The following SSH1 variants were observed in gnomAD, a reference collection of about 807,000 sequenced individuals.
SSH1 encodes protein phosphatase Slingshot homolog 1.
SSH1 carries 43 observed loss-of-function variants against 79.7 expected under a neutral mutation model. The ratio of observed to expected loss-of-function variants is 0.54; its 90% CI spans 0.42 to 0.70. The LOEUF (loss-of-function observed/expected upper bound fraction) is 0.70. Among genes scored for constraint, SSH1 ranks in the 30% least tolerant of loss-of-function variants. The pLI, the probability that SSH1 is intolerant of heterozygous loss-of-function variation, is 0.00. For synonymous variants in SSH1, 599 were observed against 538.3 expected, an observed-to-expected ratio of 1.11 and a Z score of -1.56; for missense variants, 1,206 against 1,358.8, an observed-to-expected ratio of 0.89 and a Z score of 1.77.
chr12:108,807,257 G>A lies in SSH1; in HGVS notation c.731+376C>T, dbSNP rs1212817420. ...TTCCTAACTCTCCTCAGAGCAGAGC[G>A]GGAGGCTCTGAGAATTAAGTCTCTG... is the stretch of plus-strand genomic sequence containing the variant. On this transcript the variant is annotated intron_variant, in intron 8 of 14. Transcript: ENST00000326495. This position sits in a 1 kb window ranked among gnomAD's most constrained non-coding sequence, Gnocchi z 5.2. 2.0e-5 allele frequency among the ~76,000 whole-genome samples: 3 copies of A among 152,100 alleles called. No homozygotes were observed. The highest frequency in any genetic ancestry group is 6.6e-5 in the Admixed American group (1 of 15,258).
rs1026533309 is a variant in SSH1 at position 108,807,543 on chromosome 12, A to G, written c.731+90T>C. Reference sequence around the variant, plus strand: ...GGGACTCCAGGGGAGGTGTGGCCCAATGCAGGTTCAGGGTCGGGCACAGGG... The same window carrying G: ...GGGACTCCAGGGGAGGTGTGGCCCAGTGCAGGTTCAGGGTCGGGCACAGGG... On this transcript the variant is annotated intron_variant, in intron 8 of 14. Coordinates refer to ENST00000326495, the MANE Select transcript of SSH1 (RefSeq NM_018984.4). The surrounding 1 kb of genome is among the most constrained non-coding windows in gnomAD (Gnocchi z 5.2). The G allele has an allele frequency of 5.4e-6, 7 of 1,294,572 alleles. No individual in the cohort carries two copies. The African/African-American group carries it at 5.8e-5, about 11-fold the overall frequency. The allele number at this position is 1,294,572 out of a possible 1,614,324, so 80.2% of individuals were successfully genotyped here. A position where few individuals can be genotyped will look rare whatever the true frequency, so the allele number is the denominator to read the frequency against.
intron 13 of SSH1, among the ~76,000 whole-genome samples, chr12:108,797,633 C>A (rs575883197): frequency 6.6e-6 from 1 of 152,150 alleles, no homozygotes; most frequent in Non-Finnish European, 1.5e-5. Context: ...GCCTGGATGT[C>A]GGAGAGAGTG....
intron 10 of SSH1, 80 bp downstream of exon 10, chr12:108,804,976 G>T: frequency 1.3e-6 from 2 of 1,562,940 alleles, no homozygotes; most frequent in Admixed American, 1.8e-5. Context: ...TTTTTCTCCC[G>T]GACTTGCTAC....
At chr12:108,855,373 G>A (rs1037609731) in intron 1 of SSH1, among the ~76,000 whole-genome samples, 2 of 152,120 alleles carry the variant, frequency 1.3e-5, no homozygotes, top group African/African-American at 4.8e-5. Flanking sequence ...GGGCTAACGG[G>A]TACAGGGTTC....
At position 108,823,284 on chromosome 12, in the gene SSH1, C is replaced by T. The variant is rs941124988; in HGVS notation, c.188G>A (p.Ser63Asn). The T allele has an allele frequency of 1.3e-6, 2 of 1,589,098 alleles. No individual in the cohort carries two copies. The highest frequency in any genetic ancestry group is 4.5e-5 in the East Asian group (2 of 44,396). Reference protein sequence around the residue: ...QQGSSPQGQRSLQHPHKHAGD... With the variant: ...QQGSSPQGQRNLQHPHKHAGD... ...TGCATGCTTGTGGGGGTGCTGAAGA[C>T]TCCGCTGGCCTTGAGGGCTGCTTCC... The change falls in exon 3 of 15, where the codon AGT becomes AAT. Residue 63 changes from serine (S) to asparagine (N), a missense_variant. Ser to Asn is a conservative substitution (Grantham distance 46). Around this residue, in one of 5 missense-constraint regions of SSH1, gnomAD observed 100 missense variants for 82.3 expected, o/e 1.21. Coordinates refer to ENST00000326495, the MANE Select transcript of SSH1 (RefSeq NM_018984.4).
At chr12:108,792,263 C>T in intron 14 of SSH1, 23 bp downstream of exon 14, 1 of 1,614,116 alleles carries the variant, frequency 6.2e-7, no homozygotes, top group Non-Finnish European at 8.5e-7. Flanking sequence ...GGTGTGCCAC[C>T]CTGCAGGCCG....
chr12:108,816,019 A>G (rs565270932), intron 5 of SSH1, among the ~76,000 whole-genome samples: 2 of 152,304 alleles, frequency 1.3e-5, no homozygotes, highest in Admixed American at 6.5e-5. Context: ...ATTCTGCCTC[A>G]AATGCTCCTC....
chr12:108,796,782 G>T (rs1222866959), intron 13 of SSH1, among the ~76,000 whole-genome samples: 1 of 150,608 alleles, frequency 6.6e-6, no homozygotes, highest in Non-Finnish European at 1.5e-5. Context: ...TGCTGTTGTT[G>T]CCCAGGCTGG....
intron 2 of SSH1, among the ~76,000 whole-genome samples, chr12:108,825,405 G>C (rs2038274262): frequency 6.6e-6 from 1 of 152,218 alleles, no homozygotes; most frequent in Non-Finnish European, 1.5e-5. Context: ...ACAGGAACTA[G>C]CATTTCCAAT....
At chr12:108,823,434 G>T (rs2038200636) in intron 2 of SSH1, 73 bp from the exon 3 acceptor site, 1 of 1,291,872 alleles carries the variant, frequency 7.7e-7, no homozygotes, top group Non-Finnish European at 1.1e-6. Flanking sequence ...TTACTGCAGG[G>T]GAAAAAGCTT....
At chr12:108,823,013 C>G (rs1230863625) in intron 3 of SSH1, among the ~76,000 whole-genome samples, 2 of 152,224 alleles carry the variant, frequency 1.3e-5, no homozygotes, top group Non-Finnish European at 2.9e-5. Context: ...GAGAGGAAAT[C>G]TTTGCATCCC....
intron 2 of SSH1, among the ~76,000 whole-genome samples, chr12:108,825,655 G>A (rs2038282840): frequency 6.6e-6 from 1 of 152,206 alleles, no homozygotes. Context: ...CAGATGCACT[G>A]CCGAGTCATC....
chr12:108,832,990 A>T (rs1283446910), intron 2 of SSH1, among the ~76,000 whole-genome samples: 1 of 152,154 alleles, frequency 6.6e-6, no homozygotes, highest in Non-Finnish European at 1.5e-5. Flanking sequence ...CTGCTGGAAC[A>T]TGTATTGTTT....
intron 4 of SSH1, among the ~76,000 whole-genome samples, chr12:108,817,749 C>T (rs548157976): frequency 2.0e-5 from 3 of 152,304 alleles, no homozygotes; most frequent in South Asian, 2.1e-4. Context: ...ATTTAACTGC[C>T]GTGGAGACCT....
At chr12:108,848,843 G>T (rs1159233162) in intron 2 of SSH1, among the ~76,000 whole-genome samples, 1 of 151,810 alleles carries the variant, frequency 6.6e-6, no homozygotes, top group African/African-American at 2.4e-5. Context: ...ATGGTGTTGG[G>T]GACCTGCTGA....
rs1244871819 is a variant in SSH1 at position 108,779,104 on chromosome 12, T to C, written c.*8884A>G. On this transcript the variant is annotated 3_prime_UTR_variant, in exon 15 of 15. Coordinates refer to ENST00000326495, the MANE Select transcript of SSH1 (RefSeq NM_018984.4). ...CAGGCGTCAAGCCACCGTGCCCAAA[T>C]TTGTCTTTTAGAGTCGGATGCTGGA... The C allele has an allele frequency of 1.4e-5, 2 of 145,872 alleles. No individual in the cohort carries two copies. The highest frequency in any genetic ancestry group is 5.1e-5 in the African/African-American group (2 of 39,494). The allele number at this position is 145,872 out of a possible 1,614,324, so 9.0% of individuals were successfully genotyped here.
chr12:108,852,764 C>A, intron 1 of SSH1, 86 bp from the exon 2 acceptor site: 1 of 1,608,160 alleles, frequency 6.2e-7, no homozygotes, highest in South Asian at 1.1e-5. Flanking sequence ...TACCCCGGTA[C>A]TGGAAAAAGA....
At chr12:108,837,728 G>C (rs144859628) in intron 2 of SSH1, among the ~76,000 whole-genome samples, 1 of 152,088 alleles carries the variant, frequency 6.6e-6, no homozygotes, top group African/African-American at 2.4e-5. Flanking sequence ...ATGACCTTGA[G>C]TATTAATCAT....
chr12:108,792,861 G>C (rs911351596), intron 13 of SSH1, 32 bp from the exon 14 acceptor site: 20 of 1,612,042 alleles, frequency 1.2e-5, no homozygotes, highest in Non-Finnish European at 1.7e-5. Context: ...GAAGGTGAGG[G>C]GAGGAGGATG....
Sources: allele counts gnomAD v4.1 joint callset (sites outside exome capture counted in the v4.1 genomes callset), GRCh38; gene constraint gnomAD v4.1.1; regional missense constraint gnomAD v4.1.1; non-coding constraint Gnocchi (gnomAD v3.1); transcripts MANE v1.5; gene names NCBI Gene and HGNC (gene_info 2026-07-23, HGNC 2026-07-21).